Variants in NCKAP5 observed in about 807,000 individuals in gnomAD.
NCKAP5 encodes nck-associated protein 5.
A neutral mutation model predicts 167.0 loss-of-function variants in NCKAP5; 92 were observed. That is an observed-to-expected ratio of 0.55 (90% CI 0.47 to 0.66). The LOEUF is 0.66. NCKAP5 is among the 30% of genes least tolerant of loss of function. The pLI is 0.00. For missense variants in NCKAP5, 2,378 were observed against 2,315.0 expected, an observed-to-expected ratio of 1.03 and a Z score of -0.56; for synonymous variants, 891 against 877.4, an observed-to-expected ratio of 1.02 and a Z score of -0.27.
the NCKAP5 span, among the ~76,000 whole-genome samples, chr2:133,618,436 A>G: frequency 5.3e-5 from 8 of 151,170 alleles, no homozygotes; most frequent in Non-Finnish European, 1.2e-4. Flanking sequence ...AGAATCTACA[A>G]TGAACTCAAA....
At chr2:133,090,442 A>T (rs959511408) in intron 6 of NCKAP5, among the ~76,000 whole-genome samples, 2 of 151,944 alleles carry the variant, frequency 1.3e-5, no homozygotes, top group Non-Finnish European at 2.9e-5. Context: ...AGGCAGTGGG[A>T]GACCATGGAG....
intron 5 of NCKAP5, among the ~76,000 whole-genome samples, chr2:133,145,543 A>G (rs914264331): frequency 4.6e-5 from 7 of 152,064 alleles, no homozygotes; most frequent in Admixed American, 1.3e-4. Flanking sequence ...CTGCACAATC[A>G]ATCATTAAGT....
intron 1 of NCKAP5, among the ~76,000 whole-genome samples, chr2:133,563,909 G>A (rs545731928): frequency 2.0e-5 from 3 of 152,262 alleles, no homozygotes; most frequent in Admixed American, 6.5e-5. Flanking sequence ...TGAGGCAGAT[G>A]GATCATTTGA....
chr2:132,994,114 A>C (rs1389279338), intron 7 of NCKAP5, 38 bp downstream of exon 7: 1 of 1,387,848 alleles, frequency 7.2e-7, no homozygotes, highest in East Asian at 2.5e-5. Context: ...AAAAACAAGC[A>C]GACCAGTACC....
intron 6 of NCKAP5, among the ~76,000 whole-genome samples, chr2:133,089,674 G>A (rs962897501): frequency 6.6e-5 from 10 of 152,214 alleles, no homozygotes; most frequent in African/African-American, 2.4e-4. Flanking sequence ...AAAAAACAGA[G>A]TTAGGTTCTA....
At chr2:132,889,638 G>C (rs1256083527) in intron 8 of NCKAP5, among the ~76,000 whole-genome samples, 1 of 152,112 alleles carries the variant, frequency 6.6e-6, no homozygotes, top group Non-Finnish European at 1.5e-5. Context: ...AATGACAAAG[G>C]TGCACATTGG....
intron 15 of NCKAP5, among the ~76,000 whole-genome samples, chr2:132,778,976 T>A (rs954739090): frequency 6.6e-6 from 1 of 152,170 alleles, no homozygotes; most frequent in Admixed American, 6.5e-5. Flanking sequence ...ATTTTACATT[T>A]AAAAAAATGA....
chr2:133,230,286 T>C (rs1226647693), intron 4 of NCKAP5, among the ~76,000 whole-genome samples: 25 of 152,152 alleles, frequency 1.6e-4, no homozygotes, highest in Admixed American at 1.6e-3. Context: ...CTGGAGGCCA[T>C]TTATTACCAT....
intron 3 of NCKAP5, among the ~76,000 whole-genome samples, chr2:133,357,035 TTGAC>T (rs1684778345): frequency 6.6e-6 from 1 of 152,170 alleles, no homozygotes; most frequent in South Asian, 2.1e-4. Flanking sequence ...TTGTTTCAAT[TTGAC>T]TGAAGTATGT....
At chr2:133,605,668 A>G in the NCKAP5 span, among the ~76,000 whole-genome samples, 1 of 152,196 alleles carries the variant, frequency 6.6e-6, no homozygotes, top group Non-Finnish European at 1.5e-5. Flanking sequence ...ATATCAACAT[A>G]AATAATTTGC....
chr2:133,319,772 C>T (rs1681898110), intron 3 of NCKAP5, among the ~76,000 whole-genome samples: 1 of 152,124 alleles, frequency 6.6e-6, no homozygotes, highest in Non-Finnish European at 1.5e-5. Flanking sequence ...GTTAAAGAGT[C>T]AAACGGAACA....
intron 6 of NCKAP5, among the ~76,000 whole-genome samples, chr2:133,086,074 A>G (rs954173178): frequency 2.0e-5 from 3 of 152,200 alleles, no homozygotes; most frequent in African/African-American, 7.2e-5. Context: ...CTTTGGATCA[A>G]TCAGTTCACA....
At chr2:133,538,664 G>A (rs1403953209) in intron 2 of NCKAP5, among the ~76,000 whole-genome samples, 1 of 152,092 alleles carries the variant, frequency 6.6e-6, no homozygotes, top group Non-Finnish European at 1.5e-5. Context: ...TATACATCAG[G>A]CACCAAAAGC....
chr2:132,795,378 G>T (rs540534643), intron 12 of NCKAP5, among the ~76,000 whole-genome samples: 23 of 152,128 alleles, frequency 1.5e-4, no homozygotes, highest in African/African-American at 5.6e-4. Flanking sequence ...TGATTTAACA[G>T]GGAAAAATAC....
At chr2:133,208,995 G>A (rs977228219) in intron 5 of NCKAP5, among the ~76,000 whole-genome samples, 5 of 151,992 alleles carry the variant, frequency 3.3e-5, no homozygotes, top group Non-Finnish European at 7.4e-5. Flanking sequence ...CGAAAAATTA[G>A]CTATTAATTT....
intron 4 of NCKAP5, among the ~76,000 whole-genome samples, chr2:133,230,963 G>T (rs1356280535): frequency 3.9e-5 from 6 of 152,140 alleles, no homozygotes; most frequent in Non-Finnish European, 1.5e-5. Context: ...CACACAAATG[G>T]TTTTTAGGGG....
chr2:132,934,233 G>A (rs1696667746), intron 8 of NCKAP5, among the ~76,000 whole-genome samples: 1 of 152,144 alleles, frequency 6.6e-6, no homozygotes, highest in Non-Finnish European at 1.5e-5. Flanking sequence ...CTCTGGTGAT[G>A]GCAACTAGAA....
intron 5 of NCKAP5, among the ~76,000 whole-genome samples, chr2:133,202,156 CA>C (rs1379602830): frequency 6.6e-6 from 1 of 152,130 alleles, no homozygotes; most frequent in East Asian, 1.9e-4. Context: ...CTACAGTAAC[CA>C]AAACAGCATG....
chr2:133,319,117 A>C, intron 3 of NCKAP5, among the ~76,000 whole-genome samples: 1 of 151,926 alleles, frequency 6.6e-6, no homozygotes, highest in Non-Finnish European at 1.5e-5. Context: ...CCATCATTAC[A>C]ATCATTCATT....
Sources: allele counts gnomAD v4.1 joint callset (sites outside exome capture counted in the v4.1 genomes callset), GRCh38; gene constraint gnomAD v4.1.1; transcripts MANE v1.5; gene names NCBI Gene and HGNC (gene_info 2026-07-23, HGNC 2026-07-21).